Variants in CAD observed in about 807,000 individuals in gnomAD.
The protein encoded by CAD is multifunctional protein CAD.
Under a neutral mutation model 237.2 loss-of-function variants are expected in CAD, and 81 were observed. The observed-to-expected ratio is 0.34, with a 90% confidence interval of 0.29 to 0.41. The LOEUF is 0.41. Among genes scored for constraint, CAD ranks in the 10% least tolerant of loss-of-function variants. The pLI, the probability that CAD is intolerant of heterozygous loss-of-function variation, is 1.00. For synonymous variants in CAD, 1,196 were observed against 1,162.8 expected (o/e 1.03, Z -0.58); for missense variants, 2,181 against 2,951.7 (o/e 0.74, Z 6.05).
intron 15 of CAD, among the ~76,000 whole-genome samples, chr2:27,231,045 C>T (rs1445254495): frequency 6.6e-6 from 1 of 152,168 alleles, no homozygotes; most frequent in Non-Finnish European, 1.5e-5. Context: ...TCGCTTTGTT[C>T]CCCGGGCTGG....
At chr2:27,217,727 C>G (rs536592648) in intron 1 of CAD, 94 bp downstream of exon 1, 1 of 1,428,114 alleles carries the variant, frequency 7.0e-7, no homozygotes, top group East Asian at 2.4e-5. Flanking sequence ...ATTTTCCCGC[C>G]AGCGTACCCC....
rs1409864820 is a variant in CAD at position 27,241,523 on chromosome 2, T to C, written c.5883+127T>C. 2 of 879,730 alleles carry C rather than the reference T, an allele frequency of 2.3e-6. No individual in the cohort carries two copies. The highest frequency in any genetic ancestry group is 2.0e-5 in the Admixed American group (1 of 50,352). The allele number at this position is 879,730 out of a possible 1,614,324, so 54.5% of individuals were successfully genotyped here. On this transcript the variant is annotated intron_variant, in intron 38 of 43. Transcript: ENST00000264705. This position sits in a 1 kb window ranked among gnomAD's most constrained non-coding sequence, Gnocchi z 4.6. ...CATCCCGTCCCCTTATGCTAGTCCA[T>C]CCCTCTGCTGCTGTAGATCTTCCCC...
rs765047544 is a variant in CAD at position 27,234,514 on chromosome 2, C to G, written c.3619-4C>G. On this transcript the variant is annotated splice_region_variant and splice_polypyrimidine_tract_variant and intron_variant, in intron 22 of 43. Transcript: ENST00000264705. ...GAAGGCCTGACCAGTCTTCTCTGCCCCAGGATGACCAGCTGAAAGTTATTG... is the reference window on the plus strand; with the variant it reads ...GAAGGCCTGACCAGTCTTCTCTGCCGCAGGATGACCAGCTGAAAGTTATTG... 1 of 1,613,286 alleles carries G rather than the reference C, an allele frequency of 6.2e-7. No individual in the cohort carries two copies. Among genetic ancestry groups the G allele is most frequent in the African/African-American group, 1.3e-5 (1 of 74,904 alleles).
intron 9 of CAD, 125 bp downstream of exon 9, chr2:27,224,615 A>C (rs978733286): frequency 6.5e-7 from 1 of 1,534,274 alleles, no homozygotes; most frequent in Non-Finnish European, 8.9e-7. Context: ...AGAAAGATGT[A>C]GTAAGAAATA....
intron 2 of CAD, among the ~76,000 whole-genome samples, chr2:27,218,551 T>A (rs1183947780): frequency 6.6e-6 from 1 of 152,140 alleles, no homozygotes; most frequent in African/African-American, 2.4e-5. Context: ...GGTCACATAC[T>A]TCTCTGTGAC....
At position 27,222,314 on chromosome 2, in the gene CAD, T is replaced by G; in HGVS notation, c.473T>G (p.Leu158Arg). ...TTCTTGGACCCCAATGCCCGCCCCC[T>G]GGTACCAGAGGTCTCCATTAAGGTA... ...LPFLDPNARP[L>R]VPEVSIKTPR... is the part of the protein sequence containing the mutation. Residue 158 changes from leucine (L) to arginine (R), a missense_variant, in exon 4 of 44, where the codon CTG becomes CGG. Physicochemically the swap from Leu to Arg is moderately radical, Grantham distance 102. This residue lies in a region of CAD where 314 missense variants were observed against 339.4 expected (regional missense o/e 0.93). Transcript: ENST00000264705. 1 of 1,612,872 alleles carries G rather than the reference T, an allele frequency of 6.2e-7. No individual in the cohort carries two copies. Among genetic ancestry groups the G allele is most frequent in the Non-Finnish European group, 8.5e-7 (1 of 1,179,022 alleles).
At chr2:27,238,739 C>G in intron 31 of CAD, 107 bp downstream of exon 31, 3 of 1,072,080 alleles carry the variant, frequency 2.8e-6, no homozygotes, top group Non-Finnish European at 4.0e-6. Context: ...AGGACAGGGT[C>G]TTGATCCGTA....
chr2:27,227,089 AT>A (rs1675478783), intron 15 of CAD, 127 bp downstream of exon 15: 3 of 772,628 alleles, frequency 3.9e-6, no homozygotes, highest in Admixed American at 2.4e-5. Flanking sequence ...TCAAACTAAG[AT>A]TATAGTCCTT....
rs1446692168 is a variant in CAD at position 27,236,112 on chromosome 2, T to C, written c.4075-172T>C. The stretch of plus-strand genomic sequence containing the variant: ...CCATCTTACTTAGTGTAGATATCTT[T>C]CCTGCCAAGAAATACACTTTGCCAG... On this transcript the variant is annotated intron_variant, in intron 25 of 43. Coordinates refer to ENST00000264705, the MANE Select transcript of CAD (RefSeq NM_004341.5). The surrounding 1 kb of genome is among the most constrained non-coding windows in gnomAD (Gnocchi z 4.1). Among the ~76,000 whole-genome samples the C allele has an allele frequency of 5.3e-5, 8 of 152,160 alleles. No individual in the cohort carries two copies. Among genetic ancestry groups the C allele is most frequent in the Admixed American group, 5.2e-4 (8 of 15,284 alleles).
At chr2:27,227,055 A>G (rs140138928) in intron 15 of CAD, 93 bp downstream of exon 15, 3 of 1,093,408 alleles carry the variant, frequency 2.7e-6, no homozygotes, top group Admixed American at 1.8e-5. Context: ...TTTACGTCCT[A>G]TGGGAGCAGG....
rs1412382573 is a variant in CAD, at chr2:27,241,624, G to A, written c.5883+228G>A. Among the ~76,000 whole-genome samples, 2 of 152,188 alleles carry A rather than the reference G, an allele frequency of 1.3e-5. No homozygotes were observed. Among genetic ancestry groups the A allele is most frequent in the African/African-American group, 4.8e-5 (2 of 41,448 alleles). On this transcript the variant is annotated intron_variant, in intron 38 of 43. Coordinates refer to ENST00000264705, the MANE Select transcript of CAD (RefSeq NM_004341.5). This position sits in a 1 kb window ranked among gnomAD's most constrained non-coding sequence, Gnocchi z 4.6. ...CATGAGACCATCGCCCCACTAGTGG[G>A]GTCTTCTGGTCTGGGCTGCTGCAAT...
In CAD at chr2:27,236,394, G is replaced by A; in HGVS notation, c.4185G>A (p.Leu1395=). 6.2e-7 allele frequency: 1 copy of A among 1,614,238 alleles called. No individual in the cohort carries two copies. The highest frequency in any genetic ancestry group is 1.7e-5 in the Admixed American group (1 of 60,028). ...AAAACTTTGAGCTGGTGATTAACCTGTCAATGCGTGGAGCTGGGGGCCGGC... is the reference window on the plus strand; with the variant it reads ...AAAACTTTGAGCTGGTGATTAACCTATCAATGCGTGGAGCTGGGGGCCGGC... ...AEKNFELVIN[L]SMRGAGGRRL... Residue 1395 remains leucine (L), a synonymous_variant, in exon 26 of 44, where the codon CTG becomes CTA. Transcript: ENST00000264705. This position sits in a 1 kb window ranked among gnomAD's most constrained non-coding sequence, Gnocchi z 4.1.
At chr2:27,234,827 C>T in intron 23 of CAD, 142 bp downstream of exon 23, 1 of 797,980 alleles carries the variant, frequency 1.3e-6, no homozygotes, top group Non-Finnish European at 2.0e-6. Context: ...GTCATTGTCC[C>T]TTAAGAGCTT....
Position 27,229,276 on chromosome 2 carries a change from C to CT in CAD, c.2288-2182dup, listed in dbSNP as rs34961252. The stretch of plus-strand genomic sequence containing the variant: ...ACAGCCTAACTTATAATTATGAAAA[C>CT]TTTTTTTTTTAATACGGAGTTTTAT... On this transcript the variant is annotated intron_variant, in intron 15 of 43. Transcript: ENST00000264705. 3.7e-4 allele frequency among the ~76,000 whole-genome samples: 55 copies of CT among 148,890 alleles called. No individual in the cohort carries two copies. The South Asian group carries it at 8.8e-3, about 24-fold the overall frequency.
Position 27,232,496 on chromosome 2 carries a change from A to T in CAD, c.2694A>T (p.Pro898=). ...RKLRQELGIC[P]AVKQIDTVAA... ...TGCGTCAGGAACTGGGGATCTGTCC[A>T]GCAGTGAAACAGATTGACACAGTTG... Residue 898 remains proline, a synonymous_variant, in exon 18 of 44, where the codon CCA becomes CCT. Coordinates refer to ENST00000264705, the MANE Select transcript of CAD (RefSeq NM_004341.5). This position sits in a 1 kb window ranked among gnomAD's most constrained non-coding sequence, Gnocchi z 4.1. 2.5e-6 allele frequency: 4 copies of T among 1,614,214 alleles called. No individual in the cohort carries two copies. The highest frequency in any genetic ancestry group is 3.4e-6 in the Non-Finnish European group (4 of 1,180,026).
chr2:27,219,193 C>G (rs1675028058), intron 2 of CAD, among the ~76,000 whole-genome samples: 1 of 152,218 alleles, frequency 6.6e-6, no homozygotes, highest in Non-Finnish European at 1.5e-5. Flanking sequence ...CCAAACTATC[C>G]TTCAGATCCC....
At chr2:27,243,125 T>C (rs1404550131) in intron 42 of CAD, 73 bp from the exon 43 acceptor site, 2 of 1,487,352 alleles carry the variant, frequency 1.3e-6, no homozygotes, top group African/African-American at 2.8e-5. Flanking sequence ...GGGACCCCAG[T>C]GGAGCCCAGA....
rs1449748504 is a variant in CAD, at chr2:27,241,941, G to A, written c.5914G>A (p.Val1972Met). The A allele has an allele frequency of 6.2e-7, 1 of 1,613,726 alleles. No homozygotes were observed. The change falls in exon 39 of 44, where the codon GTG becomes ATG. Residue 1972 changes from valine to methionine, a missense_variant. This residue lies in a region of CAD where 203 missense variants were observed against 284.5 expected (regional missense o/e 0.71). Coordinates refer to ENST00000264705, the MANE Select transcript of CAD (RefSeq NM_004341.5). The surrounding 1 kb of genome is among the most constrained non-coding windows in gnomAD (Gnocchi z 4.6). ...GGTCATGGCCTCCATGTTCTATGAAGTGAGCACACGGACCAGCAGCTCCTT... is the reference window on the plus strand; with the variant it reads ...GGTCATGGCCTCCATGTTCTATGAAATGAGCACACGGACCAGCAGCTCCTT... ...GKVMASMFYE[V>M]STRTSSSFAA...
chr2:27,235,815 C>T lies in CAD; in HGVS notation c.4074+175C>T, dbSNP rs1289276334. The stretch of plus-strand genomic sequence containing the variant: ...AGGAGGTAGAGGCTGCAGTGAGCTG[C>T]GAGTGTGCAGTGAGTGCACCACTGC... On this transcript the variant is annotated intron_variant, in intron 25 of 43. Coordinates refer to ENST00000264705, the MANE Select transcript of CAD (RefSeq NM_004341.5). This position sits in a 1 kb window ranked among gnomAD's most constrained non-coding sequence, Gnocchi z 5.2. 5 of 573,276 alleles carry T rather than the reference C, an allele frequency of 8.7e-6. No homozygotes were observed. In the Admixed American group the frequency reaches 9.3e-5, roughly 11 times the overall value. 35.5% of individuals were successfully genotyped at this position (573,276 alleles called of 1,614,324 possible).
Sources: gnomAD v4.1 joint callset for allele counts (sites outside exome capture counted in the v4.1 genomes callset) on GRCh38, gnomAD v4.1.1 for gene constraint, gnomAD v4.1.1 regional missense constraint, Gnocchi (gnomAD v3.1) non-coding constraint, MANE v1.5 for transcripts, NCBI Gene and HGNC (gene_info 2026-07-23, HGNC 2026-07-21) for gene names.